PPP1R21: variants seen among roughly 807,000 people sequenced by gnomAD.
PPP1R21 encodes the protein KLRAQ motif containing 1.
PPP1R21 carries 85 observed loss-of-function variants against 112.8 expected under a neutral mutation model. That is an observed-to-expected ratio of 0.75 (90% CI 0.63 to 0.90). The LOEUF is 0.90. Ranked by LOEUF, PPP1R21 falls within the 40% of genes least tolerant of loss-of-function variation. The pLI is 0.00. For synonymous variants in PPP1R21, 381 were observed against 322.3 expected (o/e 1.18, Z -1.95); for missense variants, 1,199 against 901.5 (o/e 1.33, Z -4.23).
chr2:48,443,659 C>G (rs1185836308), intron 1 of PPP1R21, among the ~76,000 whole-genome samples: 1 of 152,198 alleles, frequency 6.6e-6, no homozygotes, highest in Non-Finnish European at 1.5e-5. Flanking sequence ...ATGGGAATTT[C>G]AGAACACAGG....
At chr2:48,508,451 A>G (rs1360263931) in intron 19 of PPP1R21, among the ~76,000 whole-genome samples, 2 of 152,230 alleles carry the variant, frequency 1.3e-5, no homozygotes, top group South Asian at 2.1e-4. Context: ...TTCCTGCTAA[A>G]ATAAATTGTG....
At chr2:48,459,061 T>C (rs867683621) in intron 4 of PPP1R21, among the ~76,000 whole-genome samples, 17 of 137,002 alleles carry the variant, frequency 1.2e-4, no homozygotes, top group South Asian at 4.6e-4. Context: ...CACAGCACTC[T>C]AGCCTGGGCG....
chr2:48,497,261 GA>G (rs1669889323), intron 16 of PPP1R21, among the ~76,000 whole-genome samples: 1 of 152,182 alleles, frequency 6.6e-6, no homozygotes, highest in South Asian at 2.1e-4. Flanking sequence ...TGTTGATGGG[GA>G]AATACCCCAC....
Position 48,452,992 on chromosome 2 carries a change from C to T in PPP1R21, c.127-1603C>T, listed in dbSNP as rs559577279. Among the ~76,000 whole-genome samples, 3 of 145,156 alleles carry T rather than the reference C, an allele frequency of 2.1e-5. No homozygotes were observed. In the East Asian group the frequency reaches 6.0e-4, roughly 29 times the overall value. ...TTTTTGAGACAGAGTCTTACTCTGTCACCCAGGCTGGAGTGCAGTGGCACA... is the reference window on the plus strand; with the variant it reads ...TTTTTGAGACAGAGTCTTACTCTGTTACCCAGGCTGGAGTGCAGTGGCACA... On this transcript the variant is annotated intron_variant, in intron 2 of 21. Coordinates refer to ENST00000294952, the MANE Select transcript of PPP1R21 (RefSeq NM_001135629.3).
At chr2:48,479,445 G>T in intron 12 of PPP1R21, 1 of 471,110 alleles carries the variant, frequency 2.1e-6, no homozygotes, top group South Asian at 1.6e-5. Context: ...ACCGTCTCCA[G>T]AGACTTTAAG....
chr2:48,493,078 A>G (rs1179669013), intron 15 of PPP1R21, among the ~76,000 whole-genome samples: 1 of 132,788 alleles, frequency 7.5e-6, no homozygotes, highest in Non-Finnish European at 1.5e-5. Flanking sequence ...GTGCAGTGGC[A>G]TGATCTCGGC....
chr2:48,457,860 C>A (rs747658950), intron 3 of PPP1R21: 35 of 363,732 alleles, frequency 9.6e-5, no homozygotes, highest in Non-Finnish European at 1.7e-4. Context: ...CAGAACTACT[C>A]CTGAATTCAT....
At chr2:48,451,708 G>A (rs1364756171) in intron 2 of PPP1R21, among the ~76,000 whole-genome samples, 2 of 152,156 alleles carry the variant, frequency 1.3e-5, no homozygotes, top group Non-Finnish European at 2.9e-5. Context: ...TCTAGGATTT[G>A]GATTTCTTCT....
intron 21 of PPP1R21, among the ~76,000 whole-genome samples, chr2:48,512,334 A>G (rs1422894511): frequency 3.9e-5 from 6 of 152,124 alleles, no homozygotes; most frequent in African/African-American, 1.4e-4. Flanking sequence ...TGAAAGGTAA[A>G]CTTTGGGAGG....
intron 16 of PPP1R21, among the ~76,000 whole-genome samples, chr2:48,496,470 GTTT>G (rs11305363): frequency 7.3e-5 from 10 of 136,268 alleles, no homozygotes; most frequent in Non-Finnish European, 1.3e-4. Context: ...TGGGTTTTGG[GTTT>G]TTTTTTTTTT....
rs2103709567 is a variant in PPP1R21, at chr2:48,440,828, G to GCGT, written c.-124_-123insTCG. 2 of 691,608 alleles carry GCGT rather than the reference G, an allele frequency of 2.9e-6. No individual in the cohort carries two copies. The highest frequency in any genetic ancestry group is 3.9e-4 in the Middle Eastern group (1 of 2,574). The allele number at this position is 691,608 out of a possible 1,614,324, so 42.8% of individuals were successfully genotyped here. The stretch of plus-strand genomic sequence containing the variant: ...AGGAGGAGGCGCGGCGGCGGCGGCG[G>GCGT]CGGCGGCTGCGGTGGCCAAGCAGGC... On this transcript the variant is annotated 5_prime_UTR_variant, in exon 1 of 22. Coordinates refer to ENST00000294952, the MANE Select transcript of PPP1R21 (RefSeq NM_001135629.3).
At chr2:48,447,735 G>C (rs1667309593) in intron 1 of PPP1R21, among the ~76,000 whole-genome samples, 1 of 152,100 alleles carries the variant, frequency 6.6e-6, no homozygotes, top group Non-Finnish European at 1.5e-5. Flanking sequence ...GATCACTTGA[G>C]GTCAGGAGTT....
At chr2:48,480,338 T>C (rs996572052) in intron 13 of PPP1R21, among the ~76,000 whole-genome samples, 8 of 152,202 alleles carry the variant, frequency 5.3e-5, no homozygotes, top group Admixed American at 4.6e-4. Flanking sequence ...TTTTGCAAAA[T>C]ACGTTGCGCT....
chr2:48,474,842 G>T, intron 12 of PPP1R21, 23 bp downstream of exon 12: 1 of 1,605,936 alleles, frequency 6.2e-7, no homozygotes, highest in Non-Finnish European at 8.5e-7. Context: ...GTTGCTTAGG[G>T]GTCAACTTCA....
In PPP1R21 at chr2:48,460,104, CAGACTCTAGAAAAGGAAGCCAA is replaced by C; in HGVS notation, c.551_572del (p.Gln184ArgfsTer14). ...TTCTTCTGAAATTCAGGTGAAATCT[CAGACTCTAGAAAAGGAAGCCAA>C]GGAATGTCGACTTCGAACGGAAGAA... On this transcript the variant is annotated frameshift_variant, in exon 6 of 22. Coordinates refer to ENST00000294952, the MANE Select transcript of PPP1R21 (RefSeq NM_001135629.3). LOFTEE classifies it high-confidence loss of function. The C allele has an allele frequency of 6.2e-7, 1 of 1,614,086 alleles. No homozygotes were observed. The highest frequency in any genetic ancestry group is 1.1e-5 in the South Asian group (1 of 91,064).
chr2:48,486,568 C>T, intron 13 of PPP1R21, 63 bp from the exon 14 acceptor site: 9 of 1,247,510 alleles, frequency 7.2e-6, no homozygotes, highest in Admixed American at 3.7e-5. Context: ...AGTGAATGGG[C>T]TGGTTATCTG....
intron 13 of PPP1R21, among the ~76,000 whole-genome samples, chr2:48,480,898 T>A (rs1668981758): frequency 6.6e-6 from 1 of 152,196 alleles, no homozygotes; most frequent in African/African-American, 2.4e-5. Context: ...GGCACTGGGA[T>A]TCATTCTTAG....
At chr2:48,472,857 G>A (rs1387554925) in intron 11 of PPP1R21, among the ~76,000 whole-genome samples, 1 of 151,318 alleles carries the variant, frequency 6.6e-6, no homozygotes, top group Non-Finnish European at 1.5e-5. Context: ...AGGCTGAGAT[G>A]GAAGAATCAC....
chr2:48,489,683 G>A (rs7592742), intron 14 of PPP1R21, among the ~76,000 whole-genome samples: 3 of 151,734 alleles, frequency 2.0e-5, no homozygotes, highest in African/African-American at 7.3e-5. Context: ...GCTGGGCACG[G>A]TAGCTCACCT....
Sources: gnomAD v4.1 joint callset for allele counts (sites outside exome capture counted in the v4.1 genomes callset) on GRCh38, gnomAD v4.1.1 for gene constraint, MANE v1.5 for transcripts, NCBI Gene and HGNC (gene_info 2026-07-23, HGNC 2026-07-21) for gene names.